Variants in PPP1R9A observed in about 807,000 individuals in gnomAD.
PPP1R9A encodes protein phosphatase 1 regulatory subunit 9A, also known as neurabin-1.
Under a neutral mutation model 141.9 loss-of-function variants are expected in PPP1R9A, and 59 were observed. The ratio of observed to expected loss-of-function variants is 0.42; its 90% CI spans 0.34 to 0.52. The LOEUF (loss-of-function observed/expected upper bound fraction) is 0.52. PPP1R9A is among the 20% of genes least tolerant of loss of function. The pLI is 0.10. For synonymous variants in PPP1R9A, 500 were observed against 569.7 expected (o/e 0.88, Z 1.74); for missense variants, 1,444 against 1,611.9 (o/e 0.90, Z 1.78).
At chr7:95,287,045 A>T in intron 18 of PPP1R9A, 2 of 1,501,100 alleles carry the variant, frequency 1.3e-6, no homozygotes, top group East Asian at 2.3e-5. Context: ...TATGTACTAT[A>T]TATGTTGTGT....
At chr7:95,071,185 A>T (rs1254122141) in intron 2 of PPP1R9A, among the ~76,000 whole-genome samples, 2 of 152,028 alleles carry the variant, frequency 1.3e-5, no homozygotes, top group Non-Finnish European at 2.9e-5. Context: ...ATATCTCATT[A>T]TAGGAAATTT....
chr7:94,927,192 C>A (rs781604826), intron 2 of PPP1R9A, among the ~76,000 whole-genome samples: 25 of 151,972 alleles, frequency 1.6e-4, no homozygotes, highest in Non-Finnish European at 3.2e-4. Context: ...TTTGCAGATA[C>A]GTAAAAACCA....
intron 2 of PPP1R9A, among the ~76,000 whole-genome samples, chr7:94,934,856 A>ACC (rs1794592964): frequency 6.7e-6 from 1 of 148,352 alleles, no homozygotes; most frequent in African/African-American, 2.6e-5. Context: ...ATACACACAC[A>ACC]CACACACACA....
intron 14 of PPP1R9A, among the ~76,000 whole-genome samples, chr7:95,270,725 T>G (rs1036682616): frequency 6.6e-6 from 1 of 152,190 alleles, no homozygotes; most frequent in Non-Finnish European, 1.5e-5. Flanking sequence ...ATAAAGTAAA[T>G]TGAACACTAT....
intron 2 of PPP1R9A, among the ~76,000 whole-genome samples, chr7:95,026,006 G>A (rs1056294040): frequency 9.9e-5 from 15 of 152,208 alleles, no homozygotes; most frequent in African/African-American, 3.6e-4. Flanking sequence ...TAGCTTCCTT[G>A]CATTGGGTTA....
intron 4 of PPP1R9A, among the ~76,000 whole-genome samples, chr7:95,122,101 C>A (rs1323024843): frequency 6.6e-6 from 1 of 150,510 alleles, no homozygotes; most frequent in Non-Finnish European, 1.5e-5. Context: ...AATAATAAAG[C>A]ATGTTGGAAA....
chr7:94,974,821 C>CAAGTTATAGAGAAGAGA (rs554664664), intron 2 of PPP1R9A, among the ~76,000 whole-genome samples: 4 of 151,922 alleles, frequency 2.6e-5, no homozygotes, highest in Non-Finnish European at 5.9e-5. Flanking sequence ...TAAGTCAAGA[C>CAAGTTATAGAGAAGAGA]AAGTTATAGA....
intron 19 of PPP1R9A, among the ~76,000 whole-genome samples, chr7:95,289,009 G>A (rs1805880246): frequency 1.3e-5 from 2 of 152,228 alleles, no homozygotes; most frequent in Non-Finnish European, 2.9e-5. Context: ...ATCTGATGTA[G>A]TATGAGTTTT....
Position 95,250,110 on chromosome 7 carries a change from A to G in PPP1R9A, c.2251A>G (p.Met751Val), listed in dbSNP as rs947697714. The G allele has an allele frequency of 8.1e-6, 13 of 1,613,734 alleles. No homozygotes were observed. Among genetic ancestry groups the G allele is most frequent in the Non-Finnish European group, 1.1e-5 (13 of 1,179,906 alleles). Reference protein sequence around the residue: ...QQNIEENKERMLKLESYWIEA... With the variant: ...QQNIEENKERVLKLESYWIEA... ...AAACATAGAAGAGAATAAGGAAAGA[A>G]TGTTGAAGTTGGAAAGCTACTGGAT... Residue 751 changes from methionine (M) to valine (V), a missense_variant, in exon 10 of 20, where the codon ATG becomes GTG. Around this residue, in one of 5 missense-constraint regions of PPP1R9A, gnomAD observed 488 missense variants for 542.0 expected, o/e 0.90. Coordinates refer to ENST00000433360, the MANE Select transcript of PPP1R9A (RefSeq NM_001166160.2).
chr7:95,111,259 G>A lies in PPP1R9A; in HGVS notation c.1396G>A (p.Val466Ile). The A allele has an allele frequency of 1.2e-6, 2 of 1,608,268 alleles. No individual in the cohort carries two copies. The highest frequency in any genetic ancestry group is 2.2e-5 in the East Asian group (1 of 44,786). ...KIKFSSAPIKVFNTYSNEDYD... is the reference protein window; with the variant it reads ...KIKFSSAPIKIFNTYSNEDYD... ...TCATCTTGTTGGCCTCTTACTACAG[G>A]TTTTCAACACATACTCCAATGAAGA... Residue 466 changes from valine to isoleucine, a missense_variant and splice_region_variant, in exon 3 of 20, where the codon GTT (valine) becomes ATT (isoleucine). Physicochemically the swap from Val to Ile is conservative, Grantham distance 29. Around this residue, in one of 5 missense-constraint regions of PPP1R9A, gnomAD observed 488 missense variants for 542.0 expected, o/e 0.90. Transcript: ENST00000433360.
chr7:95,113,185 C>A (rs1371525484), intron 3 of PPP1R9A, among the ~76,000 whole-genome samples: 1 of 152,062 alleles, frequency 6.6e-6, no homozygotes, highest in Non-Finnish European at 1.5e-5. Flanking sequence ...ATTGTTGAGA[C>A]TTAAGTTGGC....
chr7:95,193,715 A>G (rs1835843077), intron 5 of PPP1R9A, among the ~76,000 whole-genome samples: 1 of 152,078 alleles, frequency 6.6e-6, no homozygotes, highest in Non-Finnish European at 1.5e-5. Context: ...ACTATTTAAA[A>G]ATAATTTTCT....
intron 2 of PPP1R9A, among the ~76,000 whole-genome samples, chr7:94,914,090 A>T (rs1791771947): frequency 6.6e-6 from 1 of 152,172 alleles, no homozygotes; most frequent in Non-Finnish European, 1.5e-5. Context: ...GGAAGTTGCA[A>T]TTCCTAACCT....
chr7:95,086,064 A>G (rs1238709829), intron 2 of PPP1R9A, among the ~76,000 whole-genome samples: 2 of 151,722 alleles, frequency 1.3e-5, no homozygotes, highest in African/African-American at 4.9e-5. Context: ...CTCTCCCCCA[A>G]ATTTTTTCCA....
intron 18 of PPP1R9A, among the ~76,000 whole-genome samples, chr7:95,286,609 T>C (rs1693040992): frequency 6.6e-6 from 1 of 152,020 alleles, no homozygotes; most frequent in African/African-American, 2.4e-5. Context: ...AGCTCAGAAA[T>C]CACATAGAAG....
chr7:95,257,514 C>G (rs1053690954), intron 12 of PPP1R9A, among the ~76,000 whole-genome samples: 1 of 147,268 alleles, frequency 6.8e-6, no homozygotes, highest in Non-Finnish European at 1.5e-5. Flanking sequence ...CATATGATTT[C>G]TTTTTTTTTT....
chr7:95,232,470 T>G (rs892416018), intron 8 of PPP1R9A, among the ~76,000 whole-genome samples: 2 of 152,056 alleles, frequency 1.3e-5, no homozygotes, highest in African/African-American at 4.8e-5. Flanking sequence ...AGGCAAAGAC[T>G]TCATGACTAA....
chr7:95,080,118 C>T (rs903174098), intron 2 of PPP1R9A, among the ~76,000 whole-genome samples: 2 of 151,906 alleles, frequency 1.3e-5, no homozygotes, highest in East Asian at 1.9e-4. Context: ...AAATAAAGGG[C>T]ATTCAATTAG....
chr7:95,118,804 G>T (rs1464821067), intron 3 of PPP1R9A, among the ~76,000 whole-genome samples: 8 of 126,958 alleles, frequency 6.3e-5, no homozygotes, highest in African/African-American at 2.4e-4. Context: ...AACCCTGTCT[G>T]TACAAAAAAA....
Sources: allele counts gnomAD v4.1 joint callset (sites outside exome capture counted in the v4.1 genomes callset), GRCh38; gene constraint gnomAD v4.1.1; regional missense constraint gnomAD v4.1.1; transcripts MANE v1.5; gene names NCBI Gene and HGNC (gene_info 2026-07-23, HGNC 2026-07-21).